CSMD3: variants seen among roughly 807,000 people sequenced by gnomAD.
The protein encoded by CSMD3 is CUB and Sushi multiple domains 3.
Under a neutral mutation model 435.2 loss-of-function variants are expected in CSMD3, and 177 were observed. The observed-to-expected ratio is 0.41, with a 90% CI of 0.36 to 0.46. The LOEUF (loss-of-function observed/expected upper bound fraction) is 0.46. Ranked by LOEUF, CSMD3 falls within the 20% of genes least tolerant of loss-of-function variation. The pLI is 0.34. For synonymous variants in CSMD3, 1,656 were observed against 1,520.5 expected (o/e 1.09, Z -2.07); for missense variants, 4,265 against 4,504.6 (o/e 0.95, Z 1.52).
At chr8:113,013,252 T>G (rs1162215879) in intron 6 of CSMD3, among the ~76,000 whole-genome samples, 1 of 152,078 alleles carries the variant, frequency 6.6e-6, no homozygotes, top group African/African-American at 2.4e-5. Context: ...GCATCCTCAT[T>G]TGTGATAGTG....
intron 22 of CSMD3, among the ~76,000 whole-genome samples, chr8:112,594,538 C>T (rs1443636035): frequency 6.6e-6 from 1 of 152,196 alleles, no homozygotes; most frequent in Non-Finnish European, 1.5e-5. Flanking sequence ...GGCCTGCCTG[C>T]CTCTGTAGGC....
intron 1 of CSMD3, among the ~76,000 whole-genome samples, chr8:113,400,220 A>G (rs1294651359): frequency 1.3e-5 from 2 of 152,004 alleles, no homozygotes; most frequent in Non-Finnish European, 2.9e-5. Flanking sequence ...ATCCAGCTAT[A>G]AAGTTGTGAT....
At chr8:112,628,608 A>G (rs1834688950) in intron 22 of CSMD3, among the ~76,000 whole-genome samples, 1 of 152,202 alleles carries the variant, frequency 6.6e-6, no homozygotes, top group South Asian at 2.1e-4. Flanking sequence ...GTAAGTTGAA[A>G]ATGTGGAAGT....
intron 6 of CSMD3, among the ~76,000 whole-genome samples, chr8:112,993,164 C>T (rs1326967195): frequency 6.6e-6 from 1 of 151,606 alleles, no homozygotes; most frequent in Non-Finnish European, 1.5e-5. Context: ...CTAATTGAAA[C>T]CAATGTTCCA....
intron 32 of CSMD3, among the ~76,000 whole-genome samples, chr8:112,444,270 TGGTTAACCACTTTG>T (rs1815357662): frequency 6.6e-6 from 1 of 152,202 alleles, no homozygotes; most frequent in African/African-American, 2.4e-5. Context: ...GTGTGTAAAA[TGGTTAACCACTTTG>T]GGAAACTATT....
At chr8:113,308,765 C>T (rs1239061926) in intron 2 of CSMD3, among the ~76,000 whole-genome samples, 1 of 151,738 alleles carries the variant, frequency 6.6e-6, no homozygotes, top group Non-Finnish European at 1.5e-5. Flanking sequence ...TGTTTTCAAC[C>T]CCGTATAAGT....
chr8:113,133,889 G>A (rs1370170073), intron 4 of CSMD3, among the ~76,000 whole-genome samples: 1 of 152,034 alleles, frequency 6.6e-6, no homozygotes, highest in Non-Finnish European at 1.5e-5. Flanking sequence ...ATTACCAGGG[G>A]TTATGCAGAG....
chr8:112,391,591 C>T (rs1264863706), intron 35 of CSMD3, among the ~76,000 whole-genome samples: 3 of 151,850 alleles, frequency 2.0e-5, no homozygotes, highest in Non-Finnish European at 4.4e-5. Flanking sequence ...ACTCTGGAGG[C>T]TGAGGCAGGA....
intron 1 of CSMD3, among the ~76,000 whole-genome samples, chr8:113,409,079 C>CTTTTTTTTTTTT (rs1218107775): frequency 4.2e-4 from 42 of 99,062 alleles, no homozygotes; most frequent in East Asian, 7.0e-4. Context: ...TCTTCTTCTT[C>CTTTTTTTTTTTT]TTTTTTTTTT....
intron 2 of CSMD3, chr8:113,313,741 A>G (rs2093888230): frequency 6.6e-6 from 1 of 152,186 alleles, no homozygotes; most frequent in South Asian, 2.1e-4. Context: ...TTACCTTCTT[A>G]GACTATTTTA....
In CSMD3 at chr8:113,088,896, C is replaced by T. The variant is rs114578263; in HGVS notation, c.917+9860G>A. ...TAAAATAAATAAAGATGTATACAAACAATTCCTCCAGCAAACTGGGATTAA... is the reference window on the plus strand; with the variant it reads ...TAAAATAAATAAAGATGTATACAAATAATTCCTCCAGCAAACTGGGATTAA... On this transcript the variant is annotated intron_variant, in intron 5 of 70. Transcript: ENST00000297405. Among the ~76,000 whole-genome samples the T allele has an allele frequency of 3.6e-3, 541 of 152,142 alleles. 3 individuals are homozygous for T. Among genetic ancestry groups the T allele is most frequent in the African/African-American group, 0.012 (504 of 41,524 alleles).
chr8:113,409,773 G>T (rs1010436316), intron 1 of CSMD3, among the ~76,000 whole-genome samples: 1 of 152,008 alleles, frequency 6.6e-6, no homozygotes, highest in Non-Finnish European at 1.5e-5. Context: ...TTGTGTTCTG[G>T]ATCATTGAAT....
intron 27 of CSMD3, among the ~76,000 whole-genome samples, chr8:112,528,541 T>G (rs894048635): frequency 6.6e-6 from 1 of 151,944 alleles, no homozygotes; most frequent in Non-Finnish European, 1.5e-5. Context: ...ATTTAGGAAA[T>G]AATTCCAATA....
chr8:113,195,805 A>ATT (rs2092646535), intron 3 of CSMD3, among the ~76,000 whole-genome samples: 1 of 141,662 alleles, frequency 7.1e-6, no homozygotes, highest in Non-Finnish European at 1.5e-5. Context: ...ATATATATAT[A>ATT]TATATATATA....
chr8:112,964,916 C>T (rs1410172990), intron 7 of CSMD3, among the ~76,000 whole-genome samples: 2 of 151,926 alleles, frequency 1.3e-5, no homozygotes, highest in Admixed American at 1.3e-4. Context: ...CGCTGTTCTG[C>T]CACATATGAA....
intron 4 of CSMD3, among the ~76,000 whole-genome samples, chr8:113,118,902 A>G (rs958120470): frequency 1.3e-5 from 2 of 152,134 alleles, no homozygotes; most frequent in African/African-American, 4.8e-5. Flanking sequence ...CGCTCTTGCT[A>G]TCTCTACTAG....
chr8:112,775,239 T>C (rs1335571500), intron 13 of CSMD3, among the ~76,000 whole-genome samples: 1 of 151,810 alleles, frequency 6.6e-6, no homozygotes, highest in Non-Finnish European at 1.5e-5. Context: ...ATTATGTTAA[T>C]GGGTATACAT....
At chr8:112,688,686 G>C (rs529948957) in intron 14 of CSMD3, among the ~76,000 whole-genome samples, 21 of 152,010 alleles carry the variant, frequency 1.4e-4, no homozygotes, top group Admixed American at 2.0e-4. Flanking sequence ...TTTTCTGAAT[G>C]TATTCTCTTT....
At chr8:112,274,355 GTC>G (rs892506134) in intron 59 of CSMD3, among the ~76,000 whole-genome samples, 2 of 152,200 alleles carry the variant, frequency 1.3e-5, no homozygotes, top group African/African-American at 4.8e-5. Context: ...AGAGTTTCAA[GTC>G]TGTGGCACAG....
Sources: allele counts gnomAD v4.1 joint callset (sites outside exome capture counted in the v4.1 genomes callset), GRCh38; gene constraint gnomAD v4.1.1; transcripts MANE v1.5; gene names NCBI Gene and HGNC (gene_info 2026-07-23, HGNC 2026-07-21).